The following DAB1 variants were observed in gnomAD, a reference collection of about 807,000 sequenced individuals.
The protein encoded by DAB1 is DAB adaptor protein 1.
In DAB1, 15 loss-of-function variants were observed where a neutral mutation model predicts 64.6. That is an observed-to-expected ratio of 0.23 (90% confidence interval 0.16 to 0.36). The LOEUF (loss-of-function observed/expected upper bound fraction) is 0.36. Ranked by LOEUF, DAB1 falls within the 10% of genes least tolerant of loss-of-function variation. DAB1 has a pLI of 1.00. For synonymous variants in DAB1, 235 were observed against 251.9 expected (o/e 0.93, Z 0.64); for missense variants, 596 against 706.7 (o/e 0.84, Z 1.78).
intron 6 of DAB1, among the ~76,000 whole-genome samples, chr1:57,747,229 C>T (rs1371703091): frequency 4.6e-5 from 7 of 152,174 alleles, no homozygotes; most frequent in Non-Finnish European, 1.0e-4. Flanking sequence ...CCTTCTTGCC[C>T]TTGCCTTCCT....
chr1:57,431,519 C>T (rs903208973), intron 7 of DAB1, among the ~76,000 whole-genome samples: 18 of 152,106 alleles, frequency 1.2e-4, no homozygotes, highest in African/African-American at 4.1e-4. Context: ...TTCATGATAC[C>T]GGCCTTGCTT....
chr1:57,321,696 A>G (rs1675730130), intron 1 of DAB1, among the ~76,000 whole-genome samples: 1 of 152,198 alleles, frequency 6.6e-6, no homozygotes, highest in Non-Finnish European at 1.5e-5. Context: ...TTTCTTCTAT[A>G]AAATGGGAGT....
intron 3 of DAB1, among the ~76,000 whole-genome samples, chr1:58,350,335 C>A (rs1644041688): frequency 6.6e-6 from 1 of 151,988 alleles, no homozygotes; most frequent in Non-Finnish European, 1.5e-5. Flanking sequence ...TGTTTAAATT[C>A]CTTGTAGATT....
chr1:57,080,845 G>A (rs1212615905), intron 4 of DAB1, among the ~76,000 whole-genome samples: 1 of 152,106 alleles, frequency 6.6e-6, no homozygotes, highest in African/African-American at 2.4e-5. Flanking sequence ...TATGTCCTGT[G>A]ATTAAGGATG....
chr1:57,461,883 T>A (rs1409225632), intron 7 of DAB1, among the ~76,000 whole-genome samples: 1 of 151,294 alleles, frequency 6.6e-6, no homozygotes, highest in African/African-American at 2.4e-5. Context: ...CATGGAGGGC[T>A]CTTTGCTAAG....
At chr1:58,289,109 G>A (rs963921235) in intron 4 of DAB1, among the ~76,000 whole-genome samples, 1 of 152,088 alleles carries the variant, frequency 6.6e-6, no homozygotes, top group Non-Finnish European at 1.5e-5. Context: ...CATTTGCATT[G>A]AACAAACATT....
intron 2 of DAB1, among the ~76,000 whole-genome samples, chr1:57,267,822 C>T (rs543724342): frequency 2.4e-4 from 36 of 152,268 alleles, no homozygotes; most frequent in African/African-American, 8.4e-4. Flanking sequence ...AAGAACCAAA[C>T]CCCAACTTGA....
At chr1:57,750,467 C>T (rs994523059) in intron 6 of DAB1, among the ~76,000 whole-genome samples, 5 of 152,178 alleles carry the variant, frequency 3.3e-5, no homozygotes, top group Non-Finnish European at 5.9e-5. Context: ...AGTCAGTGAA[C>T]CTTTCTGAAA....
chr1:57,742,048 A>G (rs1454284504), intron 6 of DAB1, among the ~76,000 whole-genome samples: 2 of 152,182 alleles, frequency 1.3e-5, no homozygotes, highest in African/African-American at 4.8e-5. Context: ...AGTGGGAAAT[A>G]AAAAGTAGGG....
At chr1:57,470,811 T>C (rs1295230776) in intron 7 of DAB1, among the ~76,000 whole-genome samples, 7 of 152,276 alleles carry the variant, frequency 4.6e-5, no homozygotes, top group Non-Finnish European at 8.8e-5. Context: ...GATATTTAAC[T>C]CTGCCTGGTT....
intron 5 of DAB1, chr1:58,056,549 C>A: frequency 4.7e-6 from 4 of 843,984 alleles, no homozygotes; most frequent in Non-Finnish European, 8.1e-6. Flanking sequence ...TTGCTCATCA[C>A]AACCTAACTC....
chr1:57,712,220 C>T (rs1012328247), intron 6 of DAB1, among the ~76,000 whole-genome samples: 2 of 152,126 alleles, frequency 1.3e-5, no homozygotes, highest in African/African-American at 2.4e-5. Flanking sequence ...ACATAAGAAT[C>T]AAGAAGTTAC....
At position 57,088,056 on chromosome 1, in the gene DAB1, A is replaced by G. The variant is rs187465856; in HGVS notation, c.307-15642T>C. On this transcript the variant is annotated intron_variant, in intron 4 of 14. Coordinates refer to ENST00000371236, the MANE Select transcript of DAB1 (RefSeq NM_001365792.1). ...TAGAAAGATGTAAACAAACACTAAC[A>G]GAGTTTCTTTTTTTGTTTTGTTTTG... Among the ~76,000 whole-genome samples, 12 of 152,228 alleles carry G rather than the reference A, an allele frequency of 7.9e-5. No homozygotes were observed. In the East Asian group the frequency reaches 2.1e-3, roughly 27 times the overall value.
intron 5 of DAB1, among the ~76,000 whole-genome samples, chr1:58,136,568 G>A (rs2100706194): frequency 6.6e-6 from 1 of 152,326 alleles, no homozygotes; most frequent in African/African-American, 2.4e-5. Flanking sequence ...CTTCACATTT[G>A]CATTTCCTAC....
At chr1:57,279,478 T>C (rs1671722603) in intron 2 of DAB1, among the ~76,000 whole-genome samples, 1 of 152,160 alleles carries the variant, frequency 6.6e-6, no homozygotes, top group Admixed American at 6.5e-5. Flanking sequence ...TGACTTTATA[T>C]CCAAGAGGAA....
At chr1:58,069,307 GAC>G (rs1177258687) in intron 5 of DAB1, among the ~76,000 whole-genome samples, 1 of 152,124 alleles carries the variant, frequency 6.6e-6, no homozygotes, top group Non-Finnish European at 1.5e-5. Context: ...TGAAGAAACA[GAC>G]ACAGAGATTA....
chr1:58,540,797 G>A (rs538612014), intron 1 of DAB1, among the ~76,000 whole-genome samples: 96 of 150,392 alleles, frequency 6.4e-4, no homozygotes, highest in Admixed American at 2.3e-3. Context: ...CCCAAAAAGC[G>A]GGGAGGAGGT....
intron 3 of DAB1, among the ~76,000 whole-genome samples, chr1:58,477,061 T>A (rs1271629936): frequency 2.6e-5 from 4 of 152,214 alleles, no homozygotes; most frequent in Non-Finnish European, 4.4e-5. Flanking sequence ...GGATTACAAA[T>A]CAGTGAATTC....
intron 6 of DAB1, among the ~76,000 whole-genome samples, chr1:57,799,561 A>AG (rs1454635659): frequency 1.4e-5 from 1 of 69,042 alleles, no homozygotes; most frequent in Non-Finnish European, 2.7e-5. Flanking sequence ...TTTTGAGATG[A>AG]GAAAAAAAAA....
Sources: allele counts gnomAD v4.1 joint callset (sites outside exome capture counted in the v4.1 genomes callset), GRCh38; gene constraint gnomAD v4.1.1; transcripts MANE v1.5; gene names NCBI Gene and HGNC (gene_info 2026-07-23, HGNC 2026-07-21).